The following XKR4 variants were observed in gnomAD, a reference collection of about 807,000 sequenced individuals.
The protein encoded by XKR4 is XK related 4, also known as XK-related protein 4.
In XKR4, 12 loss-of-function variants were observed where a neutral mutation model predicts 53.9. The ratio of observed to expected loss-of-function variants is 0.22; its 90% CI spans 0.14 to 0.36. XKR4 has a LOEUF of 0.36. Ranked by LOEUF, XKR4 falls within the 10% of genes least tolerant of loss-of-function variation. The probability of loss-of-function intolerance (pLI) is 1.00; values close to 1 mark genes in which losing one functional copy is unlikely to be tolerated. For missense variants in XKR4, 799 were observed against 859.5 expected (o/e 0.93, Z 0.88); for synonymous variants, 354 against 362.4 (o/e 0.98, Z 0.26).
chr8:55,157,023 G>T (rs1437532389), intron 1 of XKR4, among the ~76,000 whole-genome samples: 2 of 152,172 alleles, frequency 1.3e-5, no homozygotes, highest in African/African-American at 4.8e-5. Context: ...ACTTTTCATT[G>T]TGTTTGAAGT....
intron 2 of XKR4, chr8:55,449,462 T>A: frequency 1.1e-6 from 1 of 913,466 alleles, no homozygotes. Flanking sequence ...CCACCCCTAG[T>A]GGTCGGTAAC....
At chr8:55,165,983 G>T (rs1257359376) in intron 1 of XKR4, among the ~76,000 whole-genome samples, 3 of 152,142 alleles carry the variant, frequency 2.0e-5, no homozygotes, top group Non-Finnish European at 2.9e-5. Flanking sequence ...GTGTATCTTT[G>T]CTACTCAGGG....
chr8:55,304,467 T>G (rs917026497), intron 1 of XKR4, among the ~76,000 whole-genome samples: 2 of 152,214 alleles, frequency 1.3e-5, no homozygotes, highest in Non-Finnish European at 2.9e-5. Flanking sequence ...GAAGAATGTA[T>G]ATTCTGTTGA....
rs1807062748 is a variant in XKR4 at position 55,538,591 on chromosome 8, T to C, written c.*14364T>C. 1 of 152,230 alleles carries C rather than the reference T, an allele frequency of 6.6e-6. No homozygotes were observed. The highest frequency in any genetic ancestry group is 1.5e-5 in the Non-Finnish European group (1 of 68,040). 9.4% of individuals were successfully genotyped at this position (152,230 alleles called of 1,614,324 possible). A position where few individuals can be genotyped will look rare whatever the true frequency, so the allele number is the denominator to read the frequency against. On this transcript the variant is annotated 3_prime_UTR_variant, in exon 3 of 3. Transcript: ENST00000327381. ...TCAGATGCTTTATATAAGTTGGCAA[T>C]TTTCCTGTTAACCAAACTGAATTTT...
rs1225161092 is a variant in XKR4, at chr8:55,539,205, T to A, written c.*14978T>A. ...GAGACATAGAGGCAATATCATGATA[T>A]AGGAATACATTCATAAAACTAGACT... is the stretch of plus-strand genomic sequence containing the variant. On this transcript the variant is annotated 3_prime_UTR_variant, in exon 3 of 3. Coordinates refer to ENST00000327381, the MANE Select transcript of XKR4 (RefSeq NM_052898.2). 1 of 152,210 alleles carries A rather than the reference T, an allele frequency of 6.6e-6. No homozygotes were observed. Among genetic ancestry groups the A allele is most frequent in the East Asian group, 1.9e-4 (1 of 5,204 alleles). The allele number at this position is 152,210 out of a possible 1,614,324, so 9.4% of individuals were successfully genotyped here. A position where few individuals can be genotyped will look rare whatever the true frequency, so the allele number is the denominator to read the frequency against.
chr8:55,137,518 C>T (rs866576965), intron 1 of XKR4, among the ~76,000 whole-genome samples: 40 of 150,664 alleles, frequency 2.7e-4, no homozygotes, highest in African/African-American at 9.0e-4. Flanking sequence ...ATCTGAATAA[C>T]TTATAACCCA....
intron 1 of XKR4, among the ~76,000 whole-genome samples, chr8:55,162,330 A>C (rs1816996704): frequency 6.6e-6 from 1 of 152,216 alleles, no homozygotes; most frequent in Non-Finnish European, 1.5e-5. Context: ...AGTAGCAGCA[A>C]TAAGCGTCTT....
intron 2 of XKR4, among the ~76,000 whole-genome samples, chr8:55,515,772 A>G (rs1310602492): frequency 1.3e-5 from 2 of 152,180 alleles, no homozygotes; most frequent in Admixed American, 6.5e-5. Flanking sequence ...CTACAGTCCT[A>G]CAGGAATTAG....
intron 1 of XKR4, among the ~76,000 whole-genome samples, chr8:55,195,142 A>ACAGTATAGG (rs746344695): frequency 6.9e-6 from 1 of 145,296 alleles, no homozygotes. Context: ...AGCAACAAAT[A>ACAGTATAGG]ATTTTCACCG....
chr8:55,258,039 C>A (rs1818465842), intron 1 of XKR4, among the ~76,000 whole-genome samples: 1 of 152,144 alleles, frequency 6.6e-6, no homozygotes, highest in Non-Finnish European at 1.5e-5. Flanking sequence ...GAGCTGGTGA[C>A]CCCAGGCACC....
chr8:55,341,658 C>T (rs981632035), intron 1 of XKR4, among the ~76,000 whole-genome samples: 1 of 152,212 alleles, frequency 6.6e-6, no homozygotes, highest in Admixed American at 6.5e-5. Flanking sequence ...TCATGGAAAC[C>T]TTATCTTCAA....
At chr8:55,319,413 G>C (rs1373395613) in intron 1 of XKR4, among the ~76,000 whole-genome samples, 1 of 152,112 alleles carries the variant, frequency 6.6e-6, no homozygotes, top group East Asian at 1.9e-4. Context: ...TATCAAATAT[G>C]TCACTCTTTT....
intron 2 of XKR4, among the ~76,000 whole-genome samples, chr8:55,409,131 G>A (rs931348159): frequency 1.3e-5 from 2 of 152,088 alleles, no homozygotes; most frequent in African/African-American, 4.8e-5. Flanking sequence ...AAACAAGACA[G>A]ACACATGGTT....
At chr8:55,453,068 C>A (rs760190225) in intron 2 of XKR4, 9 of 590,116 alleles carry the variant, frequency 1.5e-5, no homozygotes, top group Non-Finnish European at 3.0e-5. Flanking sequence ...TGGGCTGGGG[C>A]CTGATCCTCG....
intron 1 of XKR4, among the ~76,000 whole-genome samples, chr8:55,144,490 G>A (rs560760671): frequency 2.0e-5 from 3 of 152,186 alleles, no homozygotes; most frequent in South Asian, 2.1e-4. Context: ...TCAGCTCCAG[G>A]CAACCGTTGC....
chr8:55,284,854 C>G (rs1818887461), intron 1 of XKR4, among the ~76,000 whole-genome samples: 1 of 152,186 alleles, frequency 6.6e-6, no homozygotes. Context: ...AGCCTCAACT[C>G]CTTTTCACTC....
intron 2 of XKR4, among the ~76,000 whole-genome samples, chr8:55,507,623 T>A (rs555372236): frequency 7.9e-5 from 12 of 152,266 alleles, no homozygotes; most frequent in African/African-American, 2.6e-4. Context: ...CTTGCGATAG[T>A]TTGCTGAGAA....
chr8:55,307,537 C>T (rs893323750), intron 1 of XKR4, among the ~76,000 whole-genome samples: 1 of 151,928 alleles, frequency 6.6e-6, no homozygotes, highest in African/African-American at 2.4e-5. Context: ...ATGTCTGGTC[C>T]CAGCTACTTG....
chr8:55,314,592 G>C, intron 1 of XKR4, among the ~76,000 whole-genome samples: 1 of 152,216 alleles, frequency 6.6e-6, no homozygotes, highest in East Asian at 1.9e-4. Context: ...ATAAGAACTT[G>C]AAGGAGAAAT....
Sources: allele counts gnomAD v4.1 joint callset (sites outside exome capture counted in the v4.1 genomes callset), GRCh38; gene constraint gnomAD v4.1.1; transcripts MANE v1.5; gene names NCBI Gene and HGNC (gene_info 2026-07-23, HGNC 2026-07-21).